Variants in CACNA1C observed in about 807,000 individuals in gnomAD.
CACNA1C encodes the protein calcium voltage-gated channel subunit alpha1 C.
A neutral mutation model predicts 229.0 loss-of-function variants in CACNA1C; 30 were observed. The observed-to-expected ratio is 0.13, with a 90% CI of 0.10 to 0.18. CACNA1C has a LOEUF of 0.18. Ranked by LOEUF, CACNA1C falls within the 10% of genes least tolerant of loss-of-function variation. The pLI, the probability that CACNA1C is intolerant of heterozygous loss-of-function variation, is 1.00. For synonymous variants in CACNA1C, 1,114 were observed against 1,132.5 expected (o/e 0.98, Z 0.33); for missense variants, 1,658 against 2,845.0 (o/e 0.58, Z 9.49).
chr12:2,641,634 A>G, intron 30 of CACNA1C: 1 of 673,250 alleles, frequency 1.5e-6, no homozygotes. Context: ...TTCAAAATGA[A>G]GTGATTCCAG....
intron 30 of CACNA1C, among the ~76,000 whole-genome samples, chr12:2,645,137 G>A (rs1321581496): frequency 5.9e-5 from 9 of 152,136 alleles, no homozygotes; most frequent in African/African-American, 1.7e-4. Flanking sequence ...ATTTCTCCAC[G>A]CCTACCATTA....
At position 1,998,069 on chromosome 12, in the gene CACNA1C, A is replaced by G. The variant is rs935622482; in HGVS notation, c.139+26868A>G. On this transcript the variant is annotated intron_variant, in intron 1 of 46. Coordinates refer to the CACNA1C transcript ENST00000682462. ...TCTCATAGAATAGGAATTATATATA[A>G]CTTCAATGGGCCAAATATACCCAAC... The G allele has an allele frequency of 2.7e-6, 3 of 1,113,900 alleles. No individual in the cohort carries two copies. The African/African-American group carries it at 4.8e-5, about 18-fold the overall frequency. The allele number at this position is 1,113,900 out of a possible 1,614,324, so 69.0% of individuals were successfully genotyped here.
chr12:2,041,949 C>T (rs763924217), intron 1 of CACNA1C, among the ~76,000 whole-genome samples: 31 of 152,120 alleles, frequency 2.0e-4, no homozygotes, highest in Non-Finnish European at 3.4e-4. Context: ...CCTCATCATG[C>T]GTTTTCAAGT....
rs2097106628 is a variant in CACNA1C at position 2,348,267 on chromosome 12, C to T, written c.478-100709C>T. ...ACCGGAAGGGGGGCAGGTCTGCAGC[C>T]CCTCCCCCACTGCAGGGCCAGGACA... On this transcript the variant is annotated intron_variant, in intron 3 of 46. Coordinates refer to ENST00000399655, the MANE Select transcript of CACNA1C (RefSeq NM_000719.7). This position sits in a 1 kb window ranked among gnomAD's most constrained non-coding sequence, Gnocchi z 4.7. 6.6e-6 allele frequency among the ~76,000 whole-genome samples: 1 copy of T among 152,196 alleles called. No individual in the cohort carries two copies. Among genetic ancestry groups the T allele is most frequent in the Non-Finnish European group, 1.5e-5 (1 of 68,034 alleles).
chr12:2,123,856 C>T (rs1295844167), intron 3 of CACNA1C, among the ~76,000 whole-genome samples: 3 of 152,150 alleles, frequency 2.0e-5, no homozygotes, highest in Non-Finnish European at 4.4e-5. Context: ...ATGGAAATAA[C>T]GATAATGACA....
intron 5 of CACNA1C, among the ~76,000 whole-genome samples, chr12:2,476,039 C>G (rs796577722): frequency 3.3e-5 from 5 of 152,230 alleles, no homozygotes; most frequent in Non-Finnish European, 5.9e-5. Flanking sequence ...AAGTACAGGT[C>G]CAGGTAGCTA....
At chr12:2,507,145 C>T (rs1380928873) in intron 8 of CACNA1C, among the ~76,000 whole-genome samples, 1 of 152,190 alleles carries the variant, frequency 6.6e-6, no homozygotes, top group African/African-American at 2.4e-5. Flanking sequence ...GTCTTTGAGT[C>T]GATACGCTGG....
intron 1 of CACNA1C, among the ~76,000 whole-genome samples, chr12:2,016,449 GA>G (rs1428244131): frequency 6.6e-6 from 1 of 151,316 alleles, no homozygotes; most frequent in Non-Finnish European, 1.5e-5. Context: ...TTTTTTTTGA[GA>G]CGAAGTTTTA....
At chr12:2,399,564 C>T (rs2154550596) in intron 3 of CACNA1C, among the ~76,000 whole-genome samples, 1 of 152,330 alleles carries the variant, frequency 6.6e-6, no homozygotes, top group South Asian at 2.1e-4. Flanking sequence ...TCTCTGATGT[C>T]CAGCTGCCTC....
intron 3 of CACNA1C, among the ~76,000 whole-genome samples, chr12:2,169,814 C>T (rs562912920): frequency 2.0e-5 from 3 of 152,306 alleles, no homozygotes; most frequent in African/African-American, 4.8e-5. Flanking sequence ...ATTGATGTAA[C>T]TCATATGTGT....
chr12:2,058,962 G>T (rs1161274786), intron 1 of CACNA1C, among the ~76,000 whole-genome samples: 1 of 151,606 alleles, frequency 6.6e-6, no homozygotes, highest in Non-Finnish European at 1.5e-5. Context: ...CCTGGAGCAG[G>T]TAGACAGACC....
At chr12:2,170,739 T>G (rs2096441769) in intron 3 of CACNA1C, among the ~76,000 whole-genome samples, 1 of 152,142 alleles carries the variant, frequency 6.6e-6, no homozygotes, top group South Asian at 2.1e-4. Context: ...TTCTCTTTCC[T>G]CTCCCACGTT....
chr12:2,065,532 C>T (rs1173464506), intron 1 of CACNA1C, among the ~76,000 whole-genome samples: 2 of 152,092 alleles, frequency 1.3e-5, no homozygotes, highest in African/African-American at 4.8e-5. Flanking sequence ...GTACAGCCCT[C>T]AACTATCCCT....
intron 3 of CACNA1C, among the ~76,000 whole-genome samples, chr12:2,336,494 A>C (rs2096700206): frequency 1.3e-5 from 2 of 152,204 alleles, no homozygotes; most frequent in African/African-American, 4.8e-5. Flanking sequence ...CCAGTGAGTC[A>C]GAAGGTCTGG....
intron 45 of CACNA1C, among the ~76,000 whole-genome samples, chr12:2,687,301 G>A (rs904764932): frequency 2.6e-5 from 4 of 152,212 alleles, no homozygotes; most frequent in Non-Finnish European, 5.9e-5. Context: ...ATCTGTTCTT[G>A]TCGTACTGGT....
chr12:2,411,782 C>T (rs1177998466), intron 3 of CACNA1C, among the ~76,000 whole-genome samples: 2 of 152,220 alleles, frequency 1.3e-5, no homozygotes, highest in South Asian at 2.1e-4. Flanking sequence ...GCTCCTCCCC[C>T]ATCCTCAGGA....
chr12:2,029,676 G>A lies in CACNA1C; in HGVS notation c.139+58475G>A, dbSNP rs931936291. ...GTTGCCTTTGTCTCTCACCACTCCC[G>A]AAGTGAGGCTAACTGACTGTGACAC... On this transcript the variant is annotated intron_variant, in intron 1 of 46. Coordinates refer to the CACNA1C transcript ENST00000682462. This position sits in a 1 kb window ranked among gnomAD's most constrained non-coding sequence, Gnocchi z 4.9. Among the ~76,000 whole-genome samples the A allele has an allele frequency of 1.3e-5, 2 of 152,148 alleles. No homozygotes were observed. Among genetic ancestry groups the A allele is most frequent in the Non-Finnish European group, 1.5e-5 (1 of 68,034 alleles).
At chr12:2,625,289 T>A (rs2085714098) in intron 29 of CACNA1C, among the ~76,000 whole-genome samples, 1 of 152,210 alleles carries the variant, frequency 6.6e-6, no homozygotes, top group East Asian at 1.9e-4. Flanking sequence ...TGTAGAAAAT[T>A]ATTCACACGG....
intron 9 of CACNA1C, among the ~76,000 whole-genome samples, chr12:2,544,502 T>G (rs183090110): frequency 2.0e-5 from 3 of 152,310 alleles, no homozygotes; most frequent in Non-Finnish European, 4.4e-5. Flanking sequence ...TAATATTAGG[T>G]TGGTGCAAAA....
Sources: allele counts gnomAD v4.1 joint callset (sites outside exome capture counted in the v4.1 genomes callset), GRCh38; gene constraint gnomAD v4.1.1; non-coding constraint Gnocchi (gnomAD v3.1); transcripts MANE v1.5; gene names NCBI Gene and HGNC (gene_info 2026-07-23, HGNC 2026-07-21).